Variants in CTNND2 observed in about 807,000 individuals in gnomAD.
CTNND2 encodes catenin delta 2.
Under a neutral mutation model 144.4 loss-of-function variants are expected in CTNND2, and 22 were observed. The ratio of observed to expected loss-of-function variants is 0.15; its 90% CI spans 0.11 to 0.22. The LOEUF (loss-of-function observed/expected upper bound fraction) is 0.22, where lower values mean the gene tolerates loss of function less well. Ranked by LOEUF, CTNND2 falls within the 10% of genes least tolerant of loss-of-function variation. The pLI is 1.00. For missense variants in CTNND2, 1,353 were observed against 1,618.8 expected, an observed-to-expected ratio of 0.84 and a Z score of 2.82; for synonymous variants, 751 against 695.6, an observed-to-expected ratio of 1.08 and a Z score of -1.25.
chr5:11,777,094 T>C (rs188639761), intron 1 of CTNND2, among the ~76,000 whole-genome samples: 18 of 152,350 alleles, frequency 1.2e-4, no homozygotes, highest in African/African-American at 7.2e-5. Flanking sequence ...TAAATAATTG[T>C]ATAAGCAAGT....
chr5:11,591,387 T>G (rs1417446652), intron 2 of CTNND2, among the ~76,000 whole-genome samples: 1 of 152,166 alleles, frequency 6.6e-6, no homozygotes, highest in East Asian at 1.9e-4. Context: ...TGAGAACTAT[T>G]GTAAAAATAA....
chr5:11,722,637 T>C (rs960348160), intron 2 of CTNND2, among the ~76,000 whole-genome samples: 3 of 152,170 alleles, frequency 2.0e-5, no homozygotes, highest in African/African-American at 4.8e-5. Flanking sequence ...CTTCTTCACA[T>C]GGTGGTAGGA....
intron 13 of CTNND2, among the ~76,000 whole-genome samples, chr5:11,116,892 T>C (rs910091855): frequency 1.3e-4 from 20 of 152,076 alleles, no homozygotes; most frequent in African/African-American, 4.3e-4. Flanking sequence ...ACCCGATCTC[T>C]ACTAAAAATA....
chr5:11,600,337 CT>C (rs1466452074), intron 2 of CTNND2, among the ~76,000 whole-genome samples: 1 of 152,058 alleles, frequency 6.6e-6, no homozygotes, highest in African/African-American at 2.4e-5. Context: ...TATGTATCAA[CT>C]ATTTTCCACA....
intron 9 of CTNND2, among the ~76,000 whole-genome samples, chr5:11,254,076 CA>C (rs1743948201): frequency 6.6e-6 from 1 of 152,160 alleles, no homozygotes; most frequent in South Asian, 2.1e-4. Context: ...TTCTAGTCAT[CA>C]AATTTAGTTA....
chr5:11,828,220 C>G (rs922517908), intron 1 of CTNND2, among the ~76,000 whole-genome samples: 1 of 152,130 alleles, frequency 6.6e-6, no homozygotes, highest in Non-Finnish European at 1.5e-5. Context: ...CTCATAAGAT[C>G]TGATGGTTTT....
intron 18 of CTNND2, among the ~76,000 whole-genome samples, chr5:10,999,100 T>A (rs1450517201): frequency 6.6e-6 from 1 of 152,236 alleles, no homozygotes; most frequent in Non-Finnish European, 1.5e-5. Context: ...TTTTATTGTA[T>A]AAAATCTTTA....
At chr5:11,456,897 T>C (rs569115900) in intron 3 of CTNND2, among the ~76,000 whole-genome samples, 1 of 152,328 alleles carries the variant, frequency 6.6e-6, no homozygotes, top group Non-Finnish European at 1.5e-5. Context: ...TCTAGAACTC[T>C]GGTCTTCATA....
At chr5:11,666,095 A>G (rs185131333) in intron 2 of CTNND2, among the ~76,000 whole-genome samples, 137 of 152,290 alleles carry the variant, frequency 9.0e-4, no homozygotes, top group African/African-American at 2.7e-3. Context: ...GATGACACTT[A>G]AGCCCCAAAC....
intron 11 of CTNND2, among the ~76,000 whole-genome samples, chr5:11,165,759 T>C (rs541624082): frequency 6.6e-6 from 1 of 152,244 alleles, no homozygotes; most frequent in Non-Finnish European, 1.5e-5. Context: ...TGAGCAATGA[T>C]TGGTTTAATA....
intron 7 of CTNND2, among the ~76,000 whole-genome samples, chr5:11,377,951 A>G (rs1758102242): frequency 6.6e-6 from 1 of 152,212 alleles, no homozygotes; most frequent in Non-Finnish European, 1.5e-5. Context: ...GATGAATGCT[A>G]TTAGACTGGG....
Position 11,552,564 on chromosome 5 carries a change from G to A in CTNND2, c.287+12380C>T, listed in dbSNP as rs181270230. Among the ~76,000 whole-genome samples the A allele has an allele frequency of 7.2e-5, 11 of 152,332 alleles. No homozygotes were observed. The East Asian group carries it at 2.1e-3, about 29-fold the overall frequency. ...CCACTGGGAAAAGCCAAGGCTCTTTGTGTGTCCTAATTTACAGGTGAGCGA... is the reference window on the plus strand; with the variant it reads ...CCACTGGGAAAAGCCAAGGCTCTTTATGTGTCCTAATTTACAGGTGAGCGA... On this transcript the variant is annotated intron_variant, in intron 3 of 21. Coordinates refer to ENST00000304623, the MANE Select transcript of CTNND2 (RefSeq NM_001332.4).
chr5:11,157,875 G>C (rs1352161777), intron 12 of CTNND2, among the ~76,000 whole-genome samples: 2 of 152,138 alleles, frequency 1.3e-5, no homozygotes, highest in African/African-American at 4.8e-5. Context: ...CAGGGATGGG[G>C]AGTCATTCTG....
chr5:11,789,396 C>G (rs540476935), intron 1 of CTNND2, among the ~76,000 whole-genome samples: 3 of 152,136 alleles, frequency 2.0e-5, no homozygotes, highest in East Asian at 1.9e-4. Flanking sequence ...TCCTTTTATC[C>G]TGTTCTTCTT....
intron 3 of CTNND2, among the ~76,000 whole-genome samples, chr5:11,435,664 A>G (rs566813263): frequency 6.6e-6 from 1 of 152,320 alleles, no homozygotes; most frequent in South Asian, 2.1e-4. Flanking sequence ...TGACTGAAGA[A>G]CATTCATATT....
At position 11,903,692 on chromosome 5, in the gene CTNND2, C is replaced by G. The variant is rs1422127179; in HGVS notation, c.37+125G>C. On this transcript the variant is annotated intron_variant, in intron 1 of 21. Transcript: ENST00000304623. The surrounding 1 kb of genome is among the most constrained non-coding windows in gnomAD (Gnocchi z 5.4). ...TCCTCCCCGAGGCAGGCAGAAACCC[C>G]GCAGCAGCCGCCGCCGCCGCCTGCC... The G allele has an allele frequency of 9.5e-7, 1 of 1,051,322 alleles. No individual in the cohort carries two copies. The highest frequency in any genetic ancestry group is 3.3e-5 in the East Asian group (1 of 30,254). 65.1% of individuals were successfully genotyped at this position (1,051,322 alleles called of 1,614,324 possible).
rs139638429 is a variant in CTNND2, at chr5:11,373,698, T to C, written c.1178-8808A>G. 6.6e-4 allele frequency among the ~76,000 whole-genome samples: 100 copies of C among 152,238 alleles called. No homozygotes were observed. The East Asian group carries it at 0.015, about 24-fold the overall frequency. On this transcript the variant is annotated intron_variant, in intron 7 of 21. Coordinates refer to ENST00000304623, the MANE Select transcript of CTNND2 (RefSeq NM_001332.4). ...TCTGGATGGCCAGGGGTCAAACTAATAGATTTGGGGCTAGATGTAGGATCT... is the reference window on the plus strand; with the variant it reads ...TCTGGATGGCCAGGGGTCAAACTAACAGATTTGGGGCTAGATGTAGGATCT...
At chr5:11,214,587 C>A (rs1021390286) in intron 10 of CTNND2, among the ~76,000 whole-genome samples, 1 of 152,140 alleles carries the variant, frequency 6.6e-6, no homozygotes, top group Non-Finnish European at 1.5e-5. Flanking sequence ...AAAAAACATA[C>A]GTAACCAATC....
chr5:11,018,980 T>C (rs1741933141), intron 17 of CTNND2, among the ~76,000 whole-genome samples: 1 of 152,162 alleles, frequency 6.6e-6, no homozygotes, highest in African/African-American at 2.4e-5. Flanking sequence ...GTGCTGGGAT[T>C]ACAGACGTGA....
Sources: gnomAD v4.1 joint callset for allele counts (sites outside exome capture counted in the v4.1 genomes callset) on GRCh38, gnomAD v4.1.1 for gene constraint, Gnocchi (gnomAD v3.1) non-coding constraint, MANE v1.5 for transcripts, NCBI Gene and HGNC (gene_info 2026-07-23, HGNC 2026-07-21) for gene names.